Variants in MDN1 observed in about 807,000 individuals in gnomAD.
MDN1 encodes the protein midasin.
A neutral mutation model predicts 669.2 loss-of-function variants in MDN1; 266 were observed. The ratio of observed to expected loss-of-function variants is 0.40; its 90% CI spans 0.36 to 0.44. The LOEUF (loss-of-function observed/expected upper bound fraction) is 0.44. Among genes scored for constraint, MDN1 ranks in the 20% least tolerant of loss-of-function variants. The pLI, the probability that MDN1 is intolerant of heterozygous loss-of-function variation, is 1.00. For synonymous variants in MDN1, 2,385 were observed against 2,457.1 expected (o/e 0.97, Z 0.87); for missense variants, 5,940 against 6,754.0 (o/e 0.88, Z 4.22).
At position 89,707,394 on chromosome 6, in the gene MDN1, T is replaced by C. The variant is rs1253890864; in HGVS notation, c.7981A>G (p.Ser2661Gly). The C allele has an allele frequency of 3.7e-6, 6 of 1,613,626 alleles. No individual in the cohort carries two copies. Among genetic ancestry groups the C allele is most frequent in the Admixed American group, 3.3e-5 (2 of 60,020 alleles). Residue 2661 changes from serine to glycine, a missense_variant, in exon 52 of 102, where the codon AGT becomes GGT. This residue lies in a region of MDN1 where 2,292 missense variants were observed against 2,638.3 expected (regional missense o/e 0.87). Coordinates refer to ENST00000369393, the MANE Select transcript of MDN1 (RefSeq NM_014611.3). The part of the protein sequence containing the change: ...VSVGSKKLRE[S>G]VLRMSFEFHQ... ...AATTCAAAGGACATTCTCAAAACAC[T>C]CTCTCTTAGCTTTTTGCTACCAACA... is the stretch of plus-strand genomic sequence containing the variant.
At position 89,696,552 on chromosome 6, in the gene MDN1, G is replaced by A. The variant is rs1279149594; in HGVS notation, c.9191C>T (p.Pro3064Leu). 1.2e-6 allele frequency: 2 copies of A among 1,613,898 alleles called. No homozygotes were observed. Among genetic ancestry groups the A allele is most frequent in the South Asian group, 1.1e-5 (1 of 91,068 alleles). The change falls in exon 60 of 102, where the codon CCC (proline) becomes CTC (leucine). Residue 3064 changes from proline to leucine, a missense_variant. Around this residue, in one of 5 missense-constraint regions of MDN1, gnomAD observed 2,292 missense variants for 2,638.3 expected, o/e 0.87. Transcript: ENST00000369393. ...TTCAAAGCAGCACTTAGAGAATATG[G>A]GTCTATTGAGATTGCCGGGGCCCTA... ...TLKGPGNLNR[P>L]IFSKCCFEVL...
Position 89,648,154 on chromosome 6 carries a change from G to T in MDN1, c.16281-8C>A. ...TTTACAGATTCTCCAAAACTTGGGG[G>T]AGGAAAACCAAATACAACAGGAGTT... is the stretch of plus-strand genomic sequence containing the variant. On this transcript the variant is annotated splice_polypyrimidine_tract_variant and splice_region_variant and intron_variant, in intron 98 of 101. Coordinates refer to ENST00000369393, the MANE Select transcript of MDN1 (RefSeq NM_014611.3). The T allele has an allele frequency of 6.2e-7, 1 of 1,611,438 alleles. No homozygotes were observed. The highest frequency in any genetic ancestry group is 1.1e-5 in the South Asian group (1 of 91,002).
chr6:89,661,637 T>C, intron 87 of MDN1, 59 bp from the exon 88 acceptor site: 4 of 1,485,438 alleles, frequency 2.7e-6, no homozygotes, highest in Non-Finnish European at 2.7e-6. Flanking sequence ...TTTTAAAAAG[T>C]AGAATTCCCA....
rs990343494 is a variant in MDN1 at position 89,786,933 on chromosome 6, A to G, written c.1334+921T>C. Among the ~76,000 whole-genome samples the G allele has an allele frequency of 2.0e-5, 3 of 151,498 alleles. No homozygotes were observed. In the East Asian group the frequency reaches 5.8e-4, roughly 29 times the overall value. ...GAATGAGACTCCATCTCAAAAAAAA[A>G]AAAAAAAAAAAAAAGTAACAGGGTC... is the stretch of plus-strand genomic sequence containing the variant. On this transcript the variant is annotated intron_variant, in intron 8 of 101. Transcript: ENST00000369393.
intron 33 of MDN1, among the ~76,000 whole-genome samples, chr6:89,735,024 G>A (rs1815865777): frequency 1.3e-5 from 2 of 151,694 alleles, no homozygotes; most frequent in African/African-American, 4.8e-5. Context: ...CCAAGTAGCT[G>A]GGACTACAGG....
At chr6:89,733,626 T>C (rs1282358368) in intron 33 of MDN1, among the ~76,000 whole-genome samples, 1 of 145,866 alleles carries the variant, frequency 6.9e-6, no homozygotes, top group East Asian at 2.0e-4. Flanking sequence ...GGAAGAATAC[T>C]GATTACAAAA....
At position 89,708,562 on chromosome 6, in the gene MDN1, A is replaced by C. The variant is rs764510067; in HGVS notation, c.7832T>G (p.Met2611Arg). The change falls in exon 51 of 102, where the codon ATG becomes AGG. Residue 2611 changes from methionine (M) to arginine (R), a missense_variant. Coordinates refer to ENST00000369393, the MANE Select transcript of MDN1 (RefSeq NM_014611.3). Reference sequence around the variant, plus strand: ...CTGGTCCGTTTGTGGGTCAAAGTCCATCAAATTTCTAATCATGTCCAGAGC... The same window carrying C: ...CTGGTCCGTTTGTGGGTCAAAGTCCCTCAAATTTCTAATCATGTCCAGAGC... The part of the protein sequence containing the change: ...MQALDMIRNL[M>R]DFDPQTDQPD... 23 of 1,614,072 alleles carry C rather than the reference A, an allele frequency of 1.4e-5. No individual in the cohort carries two copies. The highest frequency in any genetic ancestry group is 1.9e-5 in the Non-Finnish European group (22 of 1,179,922).
chr6:89,795,508 C>A (rs1317091597), intron 2 of MDN1, among the ~76,000 whole-genome samples: 2 of 151,986 alleles, frequency 1.3e-5, no homozygotes, highest in African/African-American at 4.8e-5. Context: ...GCTGGAAGAT[C>A]ATTTGCCAGG....
intron 1 of MDN1, chr6:89,814,716 G>A (rs990201277): frequency 4.2e-5 from 13 of 308,650 alleles, no homozygotes; most frequent in Non-Finnish European, 5.8e-5. Flanking sequence ...TCCATGCACC[G>A]GAGATCTCTC....
chr6:89,676,155 G>T lies in MDN1; in HGVS notation c.12592C>A (p.Arg4198Ser). 1.2e-6 allele frequency: 2 copies of T among 1,614,194 alleles called. No homozygotes were observed. The highest frequency in any genetic ancestry group is 1.7e-6 in the Non-Finnish European group (2 of 1,180,038). The part of the protein sequence containing the change: ...SWDGCQKYFY[R>S]SLARHARLNA... Reference sequence around the variant, plus strand: ...AGCCTGGCATGCCGTGCAAGAGAGCGATAAAAATACTTCTGGCATCCATCC... The same window carrying T: ...AGCCTGGCATGCCGTGCAAGAGAGCTATAAAAATACTTCTGGCATCCATCC... Residue 4198 changes from arginine to serine, a missense_variant, in exon 77 of 102, where the codon CGC (arginine) becomes AGC (serine). Arg to Ser is a moderately radical substitution (Grantham distance 110). Coordinates refer to ENST00000369393, the MANE Select transcript of MDN1 (RefSeq NM_014611.3).
intron 15 of MDN1, among the ~76,000 whole-genome samples, chr6:89,767,027 G>C (rs1044025496): frequency 2.0e-5 from 3 of 151,992 alleles, no homozygotes; most frequent in African/African-American, 7.3e-5. Context: ...ATTCCCTATA[G>C]TAAGTGCTAT....
intron 67 of MDN1, among the ~76,000 whole-genome samples, 176 bp downstream of exon 67, chr6:89,687,902 C>CA (rs1253492716): frequency 1.3e-5 from 2 of 152,208 alleles, no homozygotes; most frequent in Admixed American, 1.3e-4. Context: ...AGCTAGCCCT[C>CA]ACCACAGGGG....
At chr6:89,796,658 A>G (rs1011994146) in intron 2 of MDN1, among the ~76,000 whole-genome samples, 5 of 152,208 alleles carry the variant, frequency 3.3e-5, no homozygotes, top group African/African-American at 4.8e-5. Flanking sequence ...GTGTGGGTAC[A>G]GTGTGTATAT....
At chr6:89,664,367 A>T in intron 85 of MDN1, 120 bp downstream of exon 85, 4 of 1,269,846 alleles carry the variant, frequency 3.1e-6, no homozygotes, top group Non-Finnish European at 4.5e-6. Flanking sequence ...TTTGCACTTA[A>T]GCACAGTAAC....
At chr6:89,762,669 C>A (rs533493706) in intron 15 of MDN1, 139 bp from the exon 16 acceptor site, 6 of 651,414 alleles carry the variant, frequency 9.2e-6, no homozygotes, top group Non-Finnish European at 1.6e-5. Flanking sequence ...TTAAAATCTA[C>A]GTTACAGTTT....
At chr6:89,665,706 C>CAAAAA (rs61352567) in intron 84 of MDN1, among the ~76,000 whole-genome samples, 5 of 126,270 alleles carry the variant, frequency 4.0e-5, no homozygotes, top group Admixed American at 7.9e-5. Context: ...GACTCCGTTT[C>CAAAAA]AAAAAAAAAA....
chr6:89,646,781 T>C lies in MDN1; in HGVS notation c.16396-178A>G, dbSNP rs1808517065. ...TAGTTAAAAAAGGAGGATCCTTGGA[T>C]ACAGACATTCTGTTTTTTAATTATT... On this transcript the variant is annotated intron_variant, in intron 99 of 101. Transcript: ENST00000369393. Among the ~76,000 whole-genome samples the C allele has an allele frequency of 1.3e-5, 2 of 152,194 alleles. 1 individual carries two copies. The highest frequency in any genetic ancestry group is 1.3e-4 in the Admixed American group (2 of 15,282).
intron 59 of MDN1, 127 bp downstream of exon 59, chr6:89,698,738 G>A: frequency 1.2e-6 from 1 of 846,574 alleles, no homozygotes; most frequent in East Asian, 2.5e-5. Flanking sequence ...ACATTCTGCA[G>A]AAAGTAAAGT....
In MDN1 at chr6:89,790,226, G is replaced by A; in HGVS notation, c.1031C>T (p.Ala344Val). 6.2e-7 allele frequency: 1 copy of A among 1,614,154 alleles called. No homozygotes were observed. Among genetic ancestry groups the A allele is most frequent in the Non-Finnish European group, 8.5e-7 (1 of 1,180,012 alleles). Residue 344 changes from alanine to valine, a missense_variant, in exon 6 of 102, where the codon GCA (alanine) becomes GTA (valine). By Grantham distance (64) the Ala-to-Val change is moderately conservative. Coordinates refer to ENST00000369393, the MANE Select transcript of MDN1 (RefSeq NM_014611.3). ...AGGAGGCTTTGTTCTACCTGTCACTGCAGCTAAATATTCAACTAAGGAAGT... is the reference window on the plus strand; with the variant it reads ...AGGAGGCTTTGTTCTACCTGTCACTACAGCTAAATATTCAACTAAGGAAGT... ...GKTSLVEYLA[A>V]VTGRTKPPQL...
Sources: gnomAD v4.1 joint callset for allele counts (sites outside exome capture counted in the v4.1 genomes callset) on GRCh38, gnomAD v4.1.1 for gene constraint, gnomAD v4.1.1 regional missense constraint, MANE v1.5 for transcripts, NCBI Gene and HGNC (gene_info 2026-07-23, HGNC 2026-07-21) for gene names.